LARGE1: variants seen among roughly 807,000 people sequenced by gnomAD.
LARGE1 encodes the protein LARGE xylosyl- and glucuronyltransferase 1.
A neutral mutation model predicts 87.6 loss-of-function variants in LARGE1; 43 were observed. The ratio of observed to expected loss-of-function variants is 0.49; its 90% confidence interval spans 0.38 to 0.63. LARGE1 has a LOEUF of 0.63. LARGE1 is among the 30% of genes least tolerant of loss of function. The pLI, the probability that LARGE1 is intolerant of heterozygous loss-of-function variation, is 0.00. For synonymous variants in LARGE1, 434 were observed against 394.6 expected, an observed-to-expected ratio of 1.10 and a Z score of -1.18; for missense variants, 802 against 1,000.2, an observed-to-expected ratio of 0.80 and a Z score of 2.67.
chr22:33,420,601 C>A (rs1285068762), intron 7 of LARGE1, among the ~76,000 whole-genome samples: 3 of 152,046 alleles, frequency 2.0e-5, no homozygotes, highest in African/African-American at 7.2e-5. Flanking sequence ...GAAACGACAT[C>A]AAAAAAGCAC....
chr22:33,272,427 T>G (rs1388948442), downstream of LARGE1, among the ~76,000 whole-genome samples: 2 of 152,182 alleles, frequency 1.3e-5, no homozygotes, highest in African/African-American at 4.8e-5. Flanking sequence ...ACGTGGAAAC[T>G]GGAAATATGC....
chr22:33,410,510 C>T (rs1386865820), intron 7 of LARGE1, among the ~76,000 whole-genome samples: 4 of 152,008 alleles, frequency 2.6e-5, no homozygotes, highest in African/African-American at 9.7e-5. Flanking sequence ...GGCTCTTCCC[C>T]CTTTGATGCT....
At chr22:33,545,479 T>C (rs573114069) in intron 6 of LARGE1, among the ~76,000 whole-genome samples, 86 of 151,564 alleles carry the variant, frequency 5.7e-4, no homozygotes, top group African/African-American at 1.8e-3. Flanking sequence ...TCTCGCTCTG[T>C]TGCCCAGGCT....
chr22:33,304,054 G>C (rs777373302), intron 12 of LARGE1, among the ~76,000 whole-genome samples, 175 bp downstream of exon 12: 2 of 152,242 alleles, frequency 1.3e-5, no homozygotes, highest in Non-Finnish European at 2.9e-5. Context: ...TGTTCACTGA[G>C]AACTCTATTG....
chr22:33,126,626 CCTT>C, the LARGE1 span, among the ~76,000 whole-genome samples: 3 of 152,154 alleles, frequency 2.0e-5, no homozygotes, highest in East Asian at 1.9e-4. Context: ...AGGCTGTTCA[CCTT>C]CTCTGCAACT....
At chr22:33,557,656 C>A (rs2077732123) in intron 6 of LARGE1, among the ~76,000 whole-genome samples, 1 of 152,128 alleles carries the variant, frequency 6.6e-6, no homozygotes, top group Non-Finnish European at 1.5e-5. Context: ...ACCTCTGCCT[C>A]CAGGGTTCAA....
chr22:33,721,018 T>C (rs528403886), intron 2 of LARGE1, among the ~76,000 whole-genome samples: 2 of 152,322 alleles, frequency 1.3e-5, no homozygotes, highest in East Asian at 3.9e-4. Context: ...AAACCAGATA[T>C]TCAGAGCATG....
At chr22:33,117,275 G>A in the LARGE1 span, among the ~76,000 whole-genome samples, 13 of 152,264 alleles carry the variant, frequency 8.5e-5, no homozygotes, top group Admixed American at 8.5e-4. Context: ...ACAGTCACAG[G>A]TTTCTGGCCC....
chr22:33,528,476 G>T (rs776670640), intron 6 of LARGE1, among the ~76,000 whole-genome samples: 29 of 152,096 alleles, frequency 1.9e-4, no homozygotes, highest in South Asian at 6.2e-4. Context: ...TGTGTCTCAT[G>T]AACAAAAAAT....
intron 3 of LARGE1, among the ~76,000 whole-genome samples, chr22:33,640,234 G>A (rs111357007): frequency 1.3e-5 from 2 of 152,204 alleles, no homozygotes; most frequent in African/African-American, 4.8e-5. Flanking sequence ...ATGAGGGAGT[G>A]AGAGGAAGTG....
intron 9 of LARGE1, among the ~76,000 whole-genome samples, chr22:33,365,169 G>C (rs2146939834): frequency 6.6e-6 from 1 of 152,234 alleles, no homozygotes; most frequent in Admixed American, 6.5e-5. Context: ...ACTTCTATCT[G>C]TTGTAATTCG....
chr22:33,336,302 G>C (rs536251306), intron 10 of LARGE1, among the ~76,000 whole-genome samples: 1 of 152,244 alleles, frequency 6.6e-6, no homozygotes, highest in African/African-American at 2.4e-5. Flanking sequence ...CCGGGTTCAA[G>C]CAATTCTCCT....
chr22:33,284,777 C>T (rs752757538), intron 12 of LARGE1, among the ~76,000 whole-genome samples: 30 of 152,070 alleles, frequency 2.0e-4, no homozygotes, highest in Admixed American at 3.3e-4. Context: ...TGGGTTTCAC[C>T]GTGTTGGCAG....
intron 9 of LARGE1, among the ~76,000 whole-genome samples, chr22:33,375,475 C>CT (rs1268769290): frequency 6.7e-6 from 1 of 148,724 alleles, no homozygotes; most frequent in African/African-American, 2.6e-5. Flanking sequence ...TGGTGAAACT[C>CT]TGTCTCTCCT....
intron 5 of LARGE1, among the ~76,000 whole-genome samples, chr22:33,603,673 A>G (rs1399110302): frequency 6.6e-6 from 1 of 152,220 alleles, no homozygotes; most frequent in Admixed American, 6.5e-5. Context: ...AAAGGGAACC[A>G]GAGGTGTGCT....
At chr22:33,626,885 T>C (rs1428381096) in intron 3 of LARGE1, among the ~76,000 whole-genome samples, 1 of 152,158 alleles carries the variant, frequency 6.6e-6, no homozygotes, top group African/African-American at 2.4e-5. Context: ...CTCAACTAAG[T>C]AGCCAGGAGC....
intron 1 of LARGE1, among the ~76,000 whole-genome samples, chr22:33,795,010 G>A (rs772947839): frequency 7.2e-5 from 11 of 152,186 alleles, no homozygotes; most frequent in African/African-American, 1.2e-4. Context: ...GTGAGACTGC[G>A]TCAGCATTGT....
chr22:33,792,326 A>T (rs1053396560), intron 1 of LARGE1, among the ~76,000 whole-genome samples: 2 of 152,176 alleles, frequency 1.3e-5, no homozygotes, highest in Non-Finnish European at 2.9e-5. Flanking sequence ...TGATGGTTTT[A>T]TAAGTGTCTG....
chr22:33,688,804 C>T (rs2082014715), intron 2 of LARGE1, among the ~76,000 whole-genome samples: 1 of 152,074 alleles, frequency 6.6e-6, no homozygotes, highest in Non-Finnish European at 1.5e-5. Context: ...ATTAAGCCTC[C>T]TATCCTGACC....
Sources: gnomAD v4.1 joint callset for allele counts (sites outside exome capture counted in the v4.1 genomes callset) on GRCh38, gnomAD v4.1.1 for gene constraint, MANE v1.5 for transcripts, NCBI Gene and HGNC (gene_info 2026-07-23, HGNC 2026-07-21) for gene names.